Variants in ENO4 observed in about 807,000 individuals in gnomAD.
The protein encoded by ENO4 is 2-phospho-D-glycerate hydro-lyase.
ENO4 carries 53 observed loss-of-function variants against 63.2 expected under a neutral mutation model. The observed-to-expected ratio is 0.84, with a 90% confidence interval of 0.67 to 1.05. The LOEUF (loss-of-function observed/expected upper bound fraction) is 1.05, where lower values mean the gene tolerates loss of function less well. ENO4 is among the 50% of genes least tolerant of loss of function. ENO4 has a pLI of 0.00. For missense variants in ENO4, 719 were observed against 772.0 expected, an observed-to-expected ratio of 0.93 and a Z score of 0.81; for synonymous variants, 266 against 283.8, an observed-to-expected ratio of 0.94 and a Z score of 0.63.
At chr10:116,901,357 A>C (rs750482563) in intron 10 of ENO4, 48 of 985,118 alleles carry the variant, frequency 4.9e-5, no homozygotes, top group Non-Finnish European at 5.7e-5. Flanking sequence ...CTAGAAAAGA[A>C]GGTTGTAAAA....
In ENO4 at chr10:116,879,934, A is replaced by G. The variant is rs1321573674; in HGVS notation, c.1671A>G (p.Lys557=). The G allele has an allele frequency of 1.3e-6, 2 of 1,550,882 alleles. No individual in the cohort carries two copies. The highest frequency in any genetic ancestry group is 8.7e-7 in the Non-Finnish European group (1 of 1,147,060). The change falls in exon 13 of 14, where the codon AAA becomes AAG. Residue 557 remains lysine (K), a synonymous_variant. Coordinates refer to ENST00000341276, the MANE Select transcript of ENO4 (RefSeq NM_001242699.2). ...TTTCCCGTGGTGAACGAGTGACTAA[A>G]TACAACCGCCTTCTCACTATAGAGG... ...GGLSRGERVT[K]YNRLLTIEEE... is the part of the protein sequence containing the mutation.
intron 10 of ENO4, among the ~76,000 whole-genome samples, chr10:116,910,550 A>G (rs1269694889): frequency 6.6e-6 from 1 of 152,214 alleles, no homozygotes; most frequent in Non-Finnish European, 1.5e-5. Flanking sequence ...AAATATTATC[A>G]TATGTACCTC....
chr10:116,887,223 T>C (rs1446091047), downstream of ENO4, among the ~76,000 whole-genome samples: 7 of 152,220 alleles, frequency 4.6e-5, no homozygotes, highest in Admixed American at 1.3e-4. Flanking sequence ...AAATTTCTTA[T>C]GGAATTTCAG....
intron 10 of ENO4, among the ~76,000 whole-genome samples, chr10:116,905,126 C>A (rs1234709264): frequency 6.7e-6 from 1 of 148,622 alleles, no homozygotes; most frequent in Non-Finnish European, 1.5e-5. Flanking sequence ...GCGTTGAACC[C>A]GGGAAGCGGA....
chr10:116,906,764 A>G, intron 10 of ENO4: 1 of 1,596,910 alleles, frequency 6.3e-7, no homozygotes, highest in East Asian at 2.2e-5. Context: ...TGAAAACAAA[A>G]CAAAAACAAA....
At position 116,861,051 on chromosome 10, in the gene ENO4, T is replaced by A; in HGVS notation, c.805-8T>A. 1 of 1,548,260 alleles carries A rather than the reference T, an allele frequency of 6.5e-7. No individual in the cohort carries two copies. The highest frequency in any genetic ancestry group is 1.7e-4 in the Middle Eastern group (1 of 5,980). ...TTCTCATTTTCCCTCGTTTTCCCCC[T>A]ATTTCAGGAACAGCCAACAACGCTA... On this transcript the variant is annotated splice_polypyrimidine_tract_variant and splice_region_variant and intron_variant, in intron 5 of 13. Transcript: ENST00000341276.
At chr10:116,895,024 G>A (rs545152623) in intron 10 of ENO4, among the ~76,000 whole-genome samples, 2 of 152,104 alleles carry the variant, frequency 1.3e-5, no homozygotes, top group Non-Finnish European at 2.9e-5. Context: ...AAACTCAAAG[G>A]TGTTAACCAG....
intron 9 of ENO4, 41 bp downstream of exon 9, chr10:116,871,333 C>G (rs1432203370): frequency 2.7e-6 from 4 of 1,475,900 alleles, no homozygotes; most frequent in Non-Finnish European, 3.6e-6. Context: ...TATTGAGATC[C>G]ATGATTTTTA....
At chr10:116,892,447 T>G (rs1399779438) in intron 10 of ENO4, among the ~76,000 whole-genome samples, 2 of 152,226 alleles carry the variant, frequency 1.3e-5, no homozygotes, top group Non-Finnish European at 2.9e-5. Context: ...TAAGTCATCA[T>G]GGAAAATCCA....
intron 8 of ENO4, among the ~76,000 whole-genome samples, chr10:116,869,994 A>G (rs1403362879): frequency 2.6e-5 from 4 of 152,218 alleles, no homozygotes; most frequent in Non-Finnish European, 4.4e-5. Flanking sequence ...TAAGCACCAA[A>G]TAAGTGATGC....
At chr10:116,862,982 C>T in intron 7 of ENO4, 130 bp downstream of exon 7, 2 of 688,690 alleles carry the variant, frequency 2.9e-6, no homozygotes, top group South Asian at 3.6e-5. Context: ...TTTGGGTTTC[C>T]CCCAAGAACC....
intron 10 of ENO4, chr10:116,901,484 A>G: frequency 1.0e-6 from 1 of 985,124 alleles, no homozygotes; most frequent in South Asian, 4.7e-5. Flanking sequence ...CCTGACGCAG[A>G]GTCTGTATCA....
Position 116,881,636 on chromosome 10 carries a change from G to C in ENO4, c.1845G>C (p.Glu615Asp), listed in dbSNP as rs1401204358. The change falls in exon 14 of 14, where the codon GAG (glutamate) becomes GAC (aspartate). Residue 615 changes from glutamate to aspartate, a missense_variant. Glu to Asp is a conservative substitution (Grantham distance 45). Coordinates refer to ENST00000341276, the MANE Select transcript of ENO4 (RefSeq NM_001242699.2). ...LVPTFPTQGV[E>D]ESAETGASSG is the part of the protein sequence containing the mutation. ...CCACCTTCCCCACACAAGGTGTAGA[G>C]GAATCAGCCGAAACAGGAGCATCCT... 7.7e-6 allele frequency: 12 copies of C among 1,548,666 alleles called. No individual in the cohort carries two copies. The highest frequency in any genetic ancestry group is 9.6e-6 in the Non-Finnish European group (11 of 1,146,152).
chr10:116,904,999 A>G (rs1300479508), intron 10 of ENO4, among the ~76,000 whole-genome samples: 1 of 151,546 alleles, frequency 6.6e-6, no homozygotes, highest in East Asian at 1.9e-4. Context: ...CAGGAGATCG[A>G]GACCATCCTG....
intron 7 of ENO4, among the ~76,000 whole-genome samples, chr10:116,865,981 A>G (rs1846539088): frequency 6.6e-6 from 1 of 152,168 alleles, no homozygotes; most frequent in Admixed American, 6.5e-5. Flanking sequence ...GGTAGGTACT[A>G]TTATTACCCC....
intron 7 of ENO4, 196 bp from the exon 8 acceptor site, chr10:116,868,454 G>A: frequency 2.9e-6 from 2 of 697,456 alleles, no homozygotes; most frequent in Admixed American, 2.0e-5. Context: ...CTGAATTTGA[G>A]AAATAGTTTG....
downstream of ENO4, chr10:116,883,662 C>T (rs574328598): frequency 6.5e-6 from 1 of 153,642 alleles, no homozygotes; most frequent in African/African-American, 2.4e-5. Flanking sequence ...GTTACCTGTA[C>T]TACTCCATTT....
chr10:116,876,175 C>T lies in ENO4; in HGVS notation c.1452C>T (p.Ser484=). 1 of 1,550,688 alleles carries T rather than the reference C, an allele frequency of 6.4e-7. No homozygotes were observed. The highest frequency in any genetic ancestry group is 8.7e-7 in the Non-Finnish European group (1 of 1,147,006). Residue 484 remains serine (S), a synonymous_variant, in exon 11 of 14, where the codon AGC becomes AGT. Coordinates refer to ENST00000341276, the MANE Select transcript of ENO4 (RefSeq NM_001242699.2). ...ISKLLEQGNI[S]IPKSNGLIIK... is the part of the protein sequence containing the mutation. ...AACTTCTAGAGCAAGGAAACATCAG[C>T]ATCCCCAAATCCAATGGGCTGATCA...
chr10:116,880,076 G>C (rs1846961622), intron 13 of ENO4, 90 bp downstream of exon 13: 2 of 990,096 alleles, frequency 2.0e-6, no homozygotes, highest in Non-Finnish European at 1.5e-6. Flanking sequence ...CTCTGCAGGA[G>C]GGCAGGGGAA....
Sources: gnomAD v4.1 joint callset for allele counts (sites outside exome capture counted in the v4.1 genomes callset) on GRCh38, gnomAD v4.1.1 for gene constraint, MANE v1.5 for transcripts, NCBI Gene and HGNC (gene_info 2026-07-23, HGNC 2026-07-21) for gene names.